Variants in PTK2B observed in about 807,000 individuals in gnomAD.
The protein encoded by PTK2B is protein tyrosine kinase 2 beta, also known as protein-tyrosine kinase 2-beta.
PTK2B carries 71 observed loss-of-function variants against 142.9 expected under a neutral mutation model. That is an observed-to-expected ratio of 0.50 (90% CI 0.41 to 0.61). PTK2B has a LOEUF of 0.61. PTK2B is among the 20% of genes least tolerant of loss of function. The pLI, the probability that PTK2B is intolerant of heterozygous loss-of-function variation, is 0.00. For synonymous variants in PTK2B, 519 were observed against 503.4 expected, an observed-to-expected ratio of 1.03 and a Z score of -0.42; for missense variants, 1,105 against 1,320.4, an observed-to-expected ratio of 0.84 and a Z score of 2.53.
intron 20 of PTK2B, among the ~76,000 whole-genome samples, chr8:27,439,675 GAC>G: frequency 6.6e-6 from 1 of 152,182 alleles, no homozygotes; most frequent in South Asian, 2.1e-4. Flanking sequence ...CAGAAACTAA[GAC>G]GAAACTCTGT....
intron 1 of PTK2B, among the ~76,000 whole-genome samples, chr8:27,381,789 TTC>T (rs1807040305): frequency 6.6e-6 from 1 of 152,204 alleles, no homozygotes; most frequent in Non-Finnish European, 1.5e-5. Context: ...CGTTTAGGAG[TTC>T]TCTTTTCTCA....
At chr8:27,445,971 G>A in intron 24 of PTK2B, 52 bp downstream of exon 24, 1 of 1,607,350 alleles carries the variant, frequency 6.2e-7, no homozygotes, top group Non-Finnish European at 8.5e-7. Flanking sequence ...GGCTGCTGGA[G>A]GGAGGTGGCC....
intron 1 of PTK2B, among the ~76,000 whole-genome samples, chr8:27,358,657 A>G (rs1440283608): frequency 6.6e-6 from 1 of 152,074 alleles, no homozygotes; most frequent in Non-Finnish European, 1.5e-5. Flanking sequence ...TTTATTTATT[A>G]AGACTTCTAA....
intron 2 of PTK2B, among the ~76,000 whole-genome samples, chr8:27,419,535 C>T (rs1369032956): frequency 1.3e-5 from 2 of 152,196 alleles, no homozygotes; most frequent in African/African-American, 2.4e-5. Flanking sequence ...GTGATGCTGG[C>T]TAAATTGCAA....
intron 2 of PTK2B, among the ~76,000 whole-genome samples, chr8:27,409,729 A>G (rs1356885210): frequency 1.3e-5 from 2 of 152,142 alleles, no homozygotes; most frequent in African/African-American, 4.8e-5. Flanking sequence ...AGCAAGACTT[A>G]TTTTTATTTT....
chr8:27,333,465 G>C (rs1286315284), intron 1 of PTK2B, among the ~76,000 whole-genome samples: 1 of 152,162 alleles, frequency 6.6e-6, no homozygotes, highest in Non-Finnish European at 1.5e-5. Flanking sequence ...AGAGAGTGTT[G>C]TAATATTTCA....
intron 2 of PTK2B, among the ~76,000 whole-genome samples, chr8:27,312,834 G>C (rs1346016524): frequency 6.6e-6 from 1 of 152,136 alleles, no homozygotes; most frequent in African/African-American, 2.4e-5. Flanking sequence ...GACCTACCTT[G>C]TTTGACTGTA....
chr8:27,328,005 A>G (rs1803521873), intron 1 of PTK2B, among the ~76,000 whole-genome samples: 1 of 152,236 alleles, frequency 6.6e-6, no homozygotes, highest in Admixed American at 6.5e-5. Context: ...TGGAGGTCTC[A>G]GGTGAAATAC....
At position 27,370,703 on chromosome 8, in the gene PTK2B, C is replaced by T. The variant is rs1806300695; in HGVS notation, c.-37-26845C>T. On this transcript the variant is annotated intron_variant, in intron 1 of 30. Transcript: ENST00000346049. ...GGGTATGTTGCCTCACGACCTTCTA[C>T]CCAGGCCCAAGTGTGGTCAGCCTCA... Among the ~76,000 whole-genome samples the T allele has an allele frequency of 4.6e-5, 7 of 152,330 alleles. No individual in the cohort carries two copies. The South Asian group carries it at 1.4e-3, about 32-fold the overall frequency.
intron 1 of PTK2B, among the ~76,000 whole-genome samples, chr8:27,343,933 G>A (rs2130196860): frequency 6.6e-6 from 1 of 152,202 alleles, no homozygotes; most frequent in South Asian, 2.1e-4. Context: ...AACCCAGGAG[G>A]CGGAGCTTGC....
chr8:27,434,047 C>A, intron 11 of PTK2B, 46 bp from the exon 12 acceptor site: 1 of 1,602,082 alleles, frequency 6.2e-7, no homozygotes, highest in South Asian at 1.1e-5. Context: ...CCATCCAGGT[C>A]CCTGTGTCCC....
intron 1 of PTK2B, among the ~76,000 whole-genome samples, chr8:27,346,897 C>A (rs957542628): frequency 6.6e-6 from 1 of 152,196 alleles, no homozygotes; most frequent in South Asian, 2.1e-4. Context: ...TTGGCAATAG[C>A]CCAGAATGAT....
intron 2 of PTK2B, among the ~76,000 whole-genome samples, chr8:27,399,900 C>T (rs1808271919): frequency 6.6e-6 from 1 of 152,184 alleles, no homozygotes; most frequent in South Asian, 2.1e-4. Flanking sequence ...TCAGTCTCTT[C>T]ACCCGGGGAT....
rs775337446 is a variant in PTK2B, at chr8:27,442,946, T to C, written c.2111T>C (p.Ile704Thr). The C allele has an allele frequency of 3.7e-6, 6 of 1,613,882 alleles. No individual in the cohort carries two copies. The East Asian group carries it at 1.1e-4, about 30-fold the overall frequency. ...ERNARYRTPK[I>T]LEPTAFQEPP... The stretch of plus-strand genomic sequence containing the variant: ...AATGCTCGCTACCGAACCCCCAAAA[T>C]CTTGGAGCCCACAGCCTTCCAGGAA... The change falls in exon 22 of 31, where the codon ATC (isoleucine) becomes ACC (threonine). Residue 704 changes from isoleucine to threonine, a missense_variant. Transcript: ENST00000346049.
intron 5 of PTK2B, among the ~76,000 whole-genome samples, chr8:27,426,428 C>T (rs796147983): frequency 5.3e-5 from 8 of 152,298 alleles, no homozygotes; most frequent in African/African-American, 1.9e-4. Flanking sequence ...TCAGTGTTGG[C>T]GGTCCAGGCA....
intron 1 of PTK2B, among the ~76,000 whole-genome samples, chr8:27,331,952 C>T (rs1046462635): frequency 3.3e-5 from 5 of 152,194 alleles, no homozygotes; most frequent in African/African-American, 1.2e-4. Flanking sequence ...CCAGGTCCCA[C>T]CCCAGGTAGG....
chr8:27,440,844 T>A (rs1396300372), intron 21 of PTK2B, among the ~76,000 whole-genome samples: 2 of 152,220 alleles, frequency 1.3e-5, no homozygotes, highest in African/African-American at 4.8e-5. Context: ...ATCTTTGACC[T>A]GTTTTCAAGA....
rs928054345 is a variant in PTK2B, at chr8:27,450,827, A to G, written c.2419A>G (p.Ile807Val). Residue 807 changes from isoleucine to valine, a missense_variant, in exon 25 of 31, where the codon ATC becomes GTC. Ile to Val is a conservative substitution (Grantham distance 29). Coordinates refer to ENST00000346049, the MANE Select transcript of PTK2B (RefSeq NM_173176.3). ...WEAEKVKMRQ[I>V]LDKQQKQMVE... ...GGCTGAAAAGGTCAAAATGCGGCAA[A>G]TCCTGGACAAACAGCAGAAGCAGAT... 1 of 1,614,182 alleles carries G rather than the reference A, an allele frequency of 6.2e-7. No individual in the cohort carries two copies. Among genetic ancestry groups the G allele is most frequent in the Non-Finnish European group, 8.5e-7 (1 of 1,180,022 alleles).
rs1407234774 is a variant in PTK2B, at chr8:27,397,550, C to T, written c.-35C>T. The T allele has an allele frequency of 6.2e-7, 1 of 1,606,530 alleles. No individual in the cohort carries two copies. Among genetic ancestry groups the T allele is most frequent in the African/African-American group, 1.3e-5 (1 of 74,934 alleles). ...CTGACCCTCTGCTGTCTCTGCAGGA[C>T]TGCAATGTGCCGATCTTAGCTGCTG... On this transcript the variant is annotated splice_region_variant and 5_prime_UTR_variant, in exon 2 of 31. Transcript: ENST00000346049.
Sources: allele counts gnomAD v4.1 joint callset (sites outside exome capture counted in the v4.1 genomes callset), GRCh38; gene constraint gnomAD v4.1.1; transcripts MANE v1.5; gene names NCBI Gene and HGNC (gene_info 2026-07-23, HGNC 2026-07-21).